Variants in ACYP2 observed in about 807,000 individuals in gnomAD.
ACYP2 encodes the protein acylphosphatase-2.
A neutral mutation model predicts 11.2 loss-of-function variants in ACYP2; 12 were observed. The observed-to-expected ratio is 1.08, with a 90% confidence interval of 0.69 to 1.74. The LOEUF is 1.74. Ranked by LOEUF, ACYP2 falls within the 40% of genes most tolerant of loss-of-function variation. The pLI is 0.00. For synonymous variants in ACYP2, 43 were observed against 32.2 expected (o/e 1.33, Z -1.13); for missense variants, 134 against 101.9 (o/e 1.31, Z -1.35).
intron 6 of ACYP2, among the ~76,000 whole-genome samples, chr2:54,230,520 C>T (rs1049717792): frequency 1.2e-4 from 18 of 152,012 alleles, no homozygotes; most frequent in African/African-American, 4.1e-4. Flanking sequence ...ATGCGCCTGG[C>T]CACACCCGGC....
intron 6 of ACYP2, among the ~76,000 whole-genome samples, chr2:54,162,822 AAC>A (rs1348254042): frequency 6.6e-6 from 1 of 151,982 alleles, no homozygotes; most frequent in African/African-American, 2.4e-5. Flanking sequence ...AAACAACAAC[AAC>A]AAAAAATCAG....
intron 6 of ACYP2, chr2:54,255,755 C>T (rs766240953): frequency 1.2e-6 from 2 of 1,613,956 alleles, no homozygotes; most frequent in Non-Finnish European, 8.5e-7. Context: ...CTCCCTGCCC[C>T]ACAGGTTTCT....
At chr2:54,110,711 A>C (rs1255438696) in intron 4 of ACYP2, among the ~76,000 whole-genome samples, 1 of 151,970 alleles carries the variant, frequency 6.6e-6, no homozygotes, top group Non-Finnish European at 1.5e-5. Context: ...GCAGTAGGGA[A>C]CTGTGGCTTT....
At chr2:54,095,720 T>C (rs1678513399) in intron 4 of ACYP2, among the ~76,000 whole-genome samples, 1 of 96,794 alleles carries the variant, frequency 1.0e-5, no homozygotes, top group Non-Finnish European at 2.1e-5. Context: ...GCTCCTCACT[T>C]CCCAGTAGGG....
intron 6 of ACYP2, among the ~76,000 whole-genome samples, chr2:54,201,638 C>CTTTGTTTCTT (rs1558608826): frequency 0.016 from 954 of 59,702 alleles, 19 homozygotes; most frequent in East Asian, 0.025. Context: ...CTTTCTTTCT[C>CTTTGTTTCTT]TTTCTTTCTT....
At chr2:54,128,717 C>T (rs1251442847) in intron 4 of ACYP2, among the ~76,000 whole-genome samples, 1 of 151,750 alleles carries the variant, frequency 6.6e-6, no homozygotes, top group African/African-American at 2.4e-5. Context: ...TTTTCCTTTT[C>T]CCCCCTTTTT....
intron 6 of ACYP2, among the ~76,000 whole-genome samples, chr2:54,268,132 A>C (rs776090227): frequency 3.3e-5 from 5 of 152,214 alleles, no homozygotes; most frequent in Non-Finnish European, 7.3e-5. Context: ...ACAACATTTA[A>C]TTCCTTTGAA....
intron 6 of ACYP2, among the ~76,000 whole-genome samples, chr2:54,249,979 AG>A (rs1416977333): frequency 6.7e-6 from 1 of 149,238 alleles, no homozygotes; most frequent in African/African-American, 2.5e-5. Context: ...AAACTCACAT[AG>A]TTTTCATCCT....
chr2:53,996,065 T>C (rs1409965735), intron 2 of ACYP2, among the ~76,000 whole-genome samples: 4 of 150,606 alleles, frequency 2.7e-5, no homozygotes, highest in African/African-American at 9.8e-5. Context: ...ACCTGGGAGG[T>C]GGAGATGGCA....
At chr2:54,057,153 GATTTCATGA>G in intron 3 of ACYP2, 1 of 393,782 alleles carries the variant, frequency 2.5e-6, no homozygotes, top group Non-Finnish European at 4.5e-6. Flanking sequence ...TAGATTGACT[GATTTCATGA>G]CATAACTATG....
intron 4 of ACYP2, among the ~76,000 whole-genome samples, chr2:54,125,678 A>T (rs931114022): frequency 3.9e-5 from 6 of 152,080 alleles, no homozygotes; most frequent in African/African-American, 1.4e-4. Flanking sequence ...TGAACCTGGG[A>T]GGTGGAGGTT....
chr2:53,994,411 C>T (rs1340759154), intron 2 of ACYP2, among the ~76,000 whole-genome samples: 1 of 146,536 alleles, frequency 6.8e-6, no homozygotes, highest in Non-Finnish European at 1.5e-5. Context: ...CCCAGCTACT[C>T]GGGAGGCTGA....
intron 4 of ACYP2, among the ~76,000 whole-genome samples, chr2:54,131,158 T>A (rs1680876502): frequency 6.6e-6 from 1 of 152,270 alleles, no homozygotes; most frequent in Non-Finnish European, 1.5e-5. Context: ...TAATCAATGT[T>A]TAACTGTGTG....
intron 6 of ACYP2, among the ~76,000 whole-genome samples, chr2:54,152,382 C>T (rs1368492169): frequency 6.6e-6 from 1 of 152,090 alleles, no homozygotes; most frequent in Admixed American, 6.6e-5. Context: ...CCTCAGCTTC[C>T]CAAAGTGCTG....
intron 6 of ACYP2, among the ~76,000 whole-genome samples, chr2:54,201,636 CTCTTTCTTTCTTTCTT>C (rs1553391343): frequency 2.1e-5 from 2 of 93,662 alleles, no homozygotes; most frequent in African/African-American, 4.3e-5. Context: ...TTCTTTCTTT[CTCTTTCTTTCTTTCTT>C]TCTTTCTTTC....
At chr2:54,083,028 C>G (rs1413792217) in intron 4 of ACYP2, among the ~76,000 whole-genome samples, 1 of 151,004 alleles carries the variant, frequency 6.6e-6, no homozygotes, top group East Asian at 1.9e-4. Context: ...GAGCCAAGAT[C>G]ATGCCACTGC....
At chr2:54,179,516 G>A (rs1558591586) in intron 6 of ACYP2, among the ~76,000 whole-genome samples, 2 of 152,142 alleles carry the variant, frequency 1.3e-5, no homozygotes, top group Non-Finnish European at 2.9e-5. Context: ...GCAGCCCCAA[G>A]GGCTGCTGGT....
At chr2:54,141,764 G>T in intron 6 of ACYP2, 1 of 447,402 alleles carries the variant, frequency 2.2e-6, no homozygotes, top group Non-Finnish European at 4.0e-6. Flanking sequence ...CTATTTAACT[G>T]GAATTCTATT....
At chr2:54,105,640 C>G (rs1397846311) in intron 4 of ACYP2, among the ~76,000 whole-genome samples, 2 of 151,936 alleles carry the variant, frequency 1.3e-5, no homozygotes, top group African/African-American at 4.8e-5. Flanking sequence ...GGAACTACAG[C>G]CAAACCACCA....
Sources: allele counts gnomAD v4.1 joint callset (sites outside exome capture counted in the v4.1 genomes callset), GRCh38; gene constraint gnomAD v4.1.1; transcripts MANE v1.5; gene names NCBI Gene and HGNC (gene_info 2026-07-23, HGNC 2026-07-21).